The following RTEL1 variants were observed in gnomAD, a reference collection of about 807,000 sequenced individuals.
RTEL1 encodes regulator of telomere elongation helicase 1, also known as regulator of telomere length.
Under a neutral mutation model 162.2 loss-of-function variants are expected in RTEL1, and 86 were observed. The observed-to-expected ratio is 0.53, with a 90% confidence interval of 0.45 to 0.63. The LOEUF (loss-of-function observed/expected upper bound fraction) is 0.63. RTEL1 is among the 30% of genes least tolerant of loss of function. The probability of loss-of-function intolerance (pLI) is 0.00; values close to 1 mark genes in which losing one functional copy is unlikely to be tolerated. For missense variants in RTEL1, 1,941 were observed against 1,750.2 expected (o/e 1.11, Z -1.95); for synonymous variants, 958 against 717.9 (o/e 1.33, Z -5.35).
chr20:63,694,626 C>T (rs1208934556), intron 31 of RTEL1, 115 bp from the exon 32 acceptor site: 50 of 1,220,040 alleles, frequency 4.1e-5, no homozygotes, highest in Non-Finnish European at 4.6e-5. Flanking sequence ...GGTTCTGCAC[C>T]CCGCAGTTGT....
rs1357535572 is a variant in RTEL1, at chr20:63,680,058, A to G, written c.1135+112A>G. The G allele has an allele frequency of 4.3e-6, 3 of 695,110 alleles. No individual in the cohort carries two copies. The East Asian group carries it at 8.2e-5, about 19-fold the overall frequency. 43.1% of individuals were successfully genotyped at this position (695,110 alleles called of 1,614,324 possible). A position where few individuals can be genotyped will look rare whatever the true frequency, so the allele number is the denominator to read the frequency against. ...GGCCGTCACCTGGCCGTCAGCAGGA[A>G]CAGGCCCACAGAACCTCATCTTCTG... On this transcript the variant is annotated intron_variant, in intron 13 of 34. Coordinates refer to ENST00000360203, the MANE Select transcript of RTEL1 (RefSeq NM_001283009.2).
rs373448481 is a variant in RTEL1, at chr20:63,694,821, C to T, written c.3190C>T (p.Leu1064=). The change falls in exon 32 of 35, where the codon CTG becomes TTG. Residue 1064 remains leucine (L), a synonymous_variant. Transcript: ENST00000360203. Reference sequence around the variant, plus strand: ...GGGCCAGCACGCCGTGAGCGCCTACCTGGCTGATGCCCGCAGGGCCCTGGG... The same window carrying T: ...GGGCCAGCACGCCGTGAGCGCCTACTTGGCTGATGCCCGCAGGGCCCTGGG... ...KQGQHAVSAY[L]ADARRALGSA... The T allele has an allele frequency of 6.8e-6, 11 of 1,612,556 alleles. No individual in the cohort carries two copies. Among genetic ancestry groups the T allele is most frequent in the Non-Finnish European group, 8.5e-6 (10 of 1,179,820 alleles).
intron 14 of RTEL1, chr20:63,681,956 G>A (rs2090485388): frequency 3.0e-6 from 3 of 985,312 alleles, no homozygotes; most frequent in Admixed American, 6.1e-5. Context: ...GGCTCTTCAA[G>A]CAGGAGGCCG....
intron 2 of RTEL1, among the ~76,000 whole-genome samples, chr20:63,660,324 C>T (rs1257767758): frequency 1.3e-5 from 2 of 152,210 alleles, no homozygotes; most frequent in Non-Finnish European, 2.9e-5. Context: ...TTCAGACTAT[C>T]ACATGGAGAG....
rs780261597 is a variant in RTEL1 at position 63,693,295 on chromosome 20, C to A, written c.2992+12C>A. On this transcript the variant is annotated intron_variant, in intron 30 of 34. Coordinates refer to ENST00000360203, the MANE Select transcript of RTEL1 (RefSeq NM_001283009.2). Reference sequence around the variant, plus strand: ...CCTGGACCCCACTGGTAAATGGGGCCCCAGGTGGGACCCTCAGACTCCTGC... The same window carrying A: ...CCTGGACCCCACTGGTAAATGGGGCACCAGGTGGGACCCTCAGACTCCTGC... 5 of 1,611,264 alleles carry A rather than the reference C, an allele frequency of 3.1e-6. No homozygotes were observed. The highest frequency in any genetic ancestry group is 1.1e-5 in the South Asian group (1 of 91,080).
At chr20:63,682,822 T>C (rs1487562084) in intron 14 of RTEL1, among the ~76,000 whole-genome samples, 1 of 152,194 alleles carries the variant, frequency 6.6e-6, no homozygotes, top group Admixed American at 6.5e-5. Flanking sequence ...TGCTCGGAAG[T>C]CAGGGCTTAG....
chr20:63,691,348 A>G (rs996074757), intron 27 of RTEL1, among the ~76,000 whole-genome samples: 1 of 151,710 alleles, frequency 6.6e-6, no homozygotes, highest in Non-Finnish European at 1.5e-5. Context: ...AGAAGCCCAT[A>G]ATTCCTCAGG....
chr20:63,695,477 T>G lies in RTEL1; in HGVS notation c.3649T>G (p.Trp1217Gly). ...TCCCCACGGGCCTGCAGCATCTGAGTGGGGTGAGCCTCATGGGAGAGACAT... is the reference window on the plus strand; with the variant it reads ...TCCCCACGGGCCTGCAGCATCTGAGGGGGGTGAGCCTCATGGGAGAGACAT... ...GPPHGPAASE[W>G]GEPHGRDIAG... The change falls in exon 34 of 35, where the codon TGG (tryptophan) becomes GGG (glycine). Residue 1217 changes from tryptophan (W) to glycine (G), a missense_variant. Transcript: ENST00000360203. 1 of 1,605,178 alleles carries G rather than the reference T, an allele frequency of 6.2e-7. No individual in the cohort carries two copies. Among genetic ancestry groups the G allele is most frequent in the Non-Finnish European group, 8.5e-7 (1 of 1,175,704 alleles).
At chr20:63,681,573 G>A in intron 14 of RTEL1, 2 of 985,368 alleles carry the variant, frequency 2.0e-6, no homozygotes, top group Non-Finnish European at 2.4e-6. Flanking sequence ...GGAGGCCGCA[G>A]AAGAACCCTG....
Position 63,688,345 on chromosome 20 carries a change from C to A in RTEL1, c.1681C>A (p.Pro561Thr), listed in dbSNP as rs2090643416. The part of the protein sequence containing the change: ...VVPYGLLIFF[P>T]SYPVMEKSLE... Reference sequence around the variant, plus strand: ...GCCCTATGGGCTCCTGATCTTCTTCCCTTCCTATCCTGTCATGGAGAAGAG... The same window carrying A: ...GCCCTATGGGCTCCTGATCTTCTTCACTTCCTATCCTGTCATGGAGAAGAG... Residue 561 changes from proline (P) to threonine (T), a missense_variant, in exon 20 of 35, where the codon CCT becomes ACT. Pro to Thr is a conservative substitution (Grantham distance 38, BLOSUM62 -1). Coordinates refer to ENST00000360203, the MANE Select transcript of RTEL1 (RefSeq NM_001283009.2). The A allele has an allele frequency of 6.2e-7, 1 of 1,612,702 alleles. No homozygotes were observed. The highest frequency in any genetic ancestry group is 8.5e-7 in the Non-Finnish European group (1 of 1,179,980).
In RTEL1 at chr20:63,690,087, G is replaced by A. The variant is rs2145430556; in HGVS notation, c.2142G>A (p.Arg714=). ...CAGCAGGGCTATGGCCACCCCCCAG[G>A]TTCGCCTTTGCCGACGCAAGAGCCC... is the stretch of plus-strand genomic sequence containing the variant. ...DYGAVFLCDH[R]FAFADARAQL... The change falls in exon 25 of 35, where the codon AGG becomes AGA. Residue 714 remains arginine, a splice_region_variant and synonymous_variant. Transcript: ENST00000360203. 1.2e-6 allele frequency: 2 copies of A among 1,610,818 alleles called. No homozygotes were observed. The highest frequency in any genetic ancestry group is 1.7e-6 in the Non-Finnish European group (2 of 1,179,616).
chr20:63,672,653 T>C, intron 9 of RTEL1, 32 bp downstream of exon 9: 1 of 1,537,200 alleles, frequency 6.5e-7, no homozygotes. Flanking sequence ...AAACACCTCC[T>C]ATTGCTTCTG....
intron 10 of RTEL1, among the ~76,000 whole-genome samples, chr20:63,676,230 G>T (rs544614992): frequency 1.9e-3 from 295 of 152,256 alleles, no homozygotes; most frequent in African/African-American, 6.7e-3. Flanking sequence ...GACTACAGGC[G>T]TGTGCCACTG....
intron 4 of RTEL1, 200 bp from the exon 5 acceptor site, chr20:63,662,346 G>A (rs1258881973): frequency 3.0e-6 from 3 of 1,003,046 alleles, no homozygotes; most frequent in Non-Finnish European, 4.5e-6. Context: ...GGGTGCTGTG[G>A]AAGCTGTCGA....
intron 14 of RTEL1, among the ~76,000 whole-genome samples, chr20:63,684,769 G>A (rs1049348732): frequency 1.2e-4 from 18 of 152,118 alleles, no homozygotes; most frequent in African/African-American, 2.2e-4. Context: ...CACCACGCCC[G>A]GCCTCTTGTT....
At chr20:63,682,428 T>G in intron 14 of RTEL1, 1 of 959,430 alleles carries the variant, frequency 1.0e-6, no homozygotes, top group East Asian at 1.2e-4. Context: ...TAAGGAGAAG[T>G]CTCCACACTC....
At chr20:63,692,747 C>A (rs1047859805) in intron 28 of RTEL1, 58 bp from the exon 29 acceptor site, 5 of 1,520,402 alleles carry the variant, frequency 3.3e-6, no homozygotes, top group Admixed American at 1.8e-5. Context: ...GGCTCTGCAG[C>A]CCCAGGGACC....
intron 2 of RTEL1, among the ~76,000 whole-genome samples, chr20:63,659,945 A>T (rs935116726): frequency 3.9e-5 from 6 of 152,192 alleles, no homozygotes; most frequent in Non-Finnish European, 8.8e-5. Context: ...TCAGCAAGAA[A>T]ACGTGAGCAA....
rs2090799928 is a variant in RTEL1 at position 63,693,100 on chromosome 20, G to A, written c.2852-43G>A. 3.7e-6 allele frequency: 6 copies of A among 1,611,750 alleles called. No individual in the cohort carries two copies. In the South Asian group the frequency reaches 5.5e-5, roughly 15 times the overall value. The stretch of plus-strand genomic sequence containing the variant: ...GGTCCAAGGTGGTCTCTGTTCTCTA[G>A]AGAAAAAGGGGCAGATGGGGACAGA... On this transcript the variant is annotated intron_variant, in intron 29 of 34. Transcript: ENST00000360203.
Sources: gnomAD v4.1 joint callset for allele counts (sites outside exome capture counted in the v4.1 genomes callset) on GRCh38, gnomAD v4.1.1 for gene constraint, MANE v1.5 for transcripts, NCBI Gene and HGNC (gene_info 2026-07-23, HGNC 2026-07-21) for gene names.